The following COMMD10 variants were observed in gnomAD, a reference collection of about 807,000 sequenced individuals.
The protein encoded by COMMD10 is COMM domain containing 10.
COMMD10 carries 33 observed loss-of-function variants against 28.9 expected under a neutral mutation model. The ratio of observed to expected loss-of-function variants is 1.14; its 90% CI spans 0.87 to 1.53. The LOEUF (loss-of-function observed/expected upper bound fraction) is 1.53. COMMD10 is among the 40% of genes most tolerant of loss of function. COMMD10 has a pLI of 0.00. For missense variants in COMMD10, 310 were observed against 233.4 expected, an observed-to-expected ratio of 1.33 and a Z score of -2.14; for synonymous variants, 110 against 81.7, an observed-to-expected ratio of 1.35 and a Z score of -1.87.
intron 5 of COMMD10, among the ~76,000 whole-genome samples, chr5:116,236,527 A>C (rs564975948): frequency 1.1e-3 from 167 of 150,338 alleles, no homozygotes; most frequent in Admixed American, 3.2e-3. Flanking sequence ...AAAAAAAAGA[A>C]GTGATCCGTT....
intron 4 of COMMD10, among the ~76,000 whole-genome samples, chr5:116,106,349 T>G (rs1476790968): frequency 6.6e-6 from 1 of 152,120 alleles, no homozygotes; most frequent in Non-Finnish European, 1.5e-5. Context: ...TCCGACAGAG[T>G]GTTTATTAAT....
At chr5:116,167,426 A>G (rs1269204470) in intron 5 of COMMD10, among the ~76,000 whole-genome samples, 1 of 152,182 alleles carries the variant, frequency 6.6e-6, no homozygotes, top group Non-Finnish European at 1.5e-5. Flanking sequence ...ACTCTTCAGG[A>G]TGTTATCCAG....
chr5:116,192,059 C>T (rs35696109), intron 5 of COMMD10, among the ~76,000 whole-genome samples: 9,803 of 149,726 alleles, frequency 0.065, 425 homozygotes, highest in Admixed American at 0.13. Context: ...AGAAGAGAGA[C>T]AGTAATCACT....
At chr5:116,179,977 T>C (rs574118815) in intron 5 of COMMD10, among the ~76,000 whole-genome samples, 24 of 152,080 alleles carry the variant, frequency 1.6e-4, no homozygotes, top group Middle Eastern at 6.8e-3. Flanking sequence ...AGAAATAAAA[T>C]AACTTGGAAG....
At chr5:116,212,471 T>C (rs1424986761) in intron 5 of COMMD10, among the ~76,000 whole-genome samples, 1 of 130,592 alleles carries the variant, frequency 7.7e-6, no homozygotes, top group Non-Finnish European at 1.6e-5. Context: ...GAAATGAGGT[T>C]CCAGTGACAG....
chr5:116,161,143 T>A (rs1288004652), intron 5 of COMMD10, among the ~76,000 whole-genome samples: 1 of 152,130 alleles, frequency 6.6e-6, no homozygotes, highest in Non-Finnish European at 1.5e-5. Context: ...ATCGTACTGA[T>A]CTGTGAAATC....
intron 5 of COMMD10, among the ~76,000 whole-genome samples, chr5:116,161,892 C>G (rs998924716): frequency 6.6e-6 from 1 of 152,112 alleles, no homozygotes; most frequent in Non-Finnish European, 1.5e-5. Context: ...CAGTGCACAC[C>G]TATGTTCTGT....
chr5:116,131,206 A>T (rs1194515841), intron 4 of COMMD10, among the ~76,000 whole-genome samples: 1 of 151,986 alleles, frequency 6.6e-6, no homozygotes, highest in African/African-American at 2.4e-5. Context: ...AGGCCCAAAG[A>T]GGTGAATAGA....
At chr5:116,103,930 G>C (rs931272498) in intron 4 of COMMD10, among the ~76,000 whole-genome samples, 1 of 152,070 alleles carries the variant, frequency 6.6e-6, no homozygotes. Flanking sequence ...TCTTGTTTTT[G>C]TCAGGTTTGT....
chr5:116,101,397 TA>T (rs1203459566), intron 4 of COMMD10, among the ~76,000 whole-genome samples: 1 of 151,922 alleles, frequency 6.6e-6, no homozygotes, highest in East Asian at 1.9e-4. Context: ...TAACATCTAT[TA>T]TTTTTTAACT....
chr5:116,130,568 A>G (rs892025725), intron 4 of COMMD10, among the ~76,000 whole-genome samples: 4 of 151,970 alleles, frequency 2.6e-5, no homozygotes, highest in Non-Finnish European at 5.9e-5. Flanking sequence ...GAGTCTTTCA[A>G]AATTTGATGC....
intron 5 of COMMD10, among the ~76,000 whole-genome samples, chr5:116,175,671 C>G (rs2112588278): frequency 6.6e-6 from 1 of 152,140 alleles, no homozygotes; most frequent in South Asian, 2.1e-4. Context: ...TATATATATG[C>G]AACGGGATAT....
chr5:116,250,832 G>T (rs1385650725), intron 5 of COMMD10, among the ~76,000 whole-genome samples: 2 of 151,930 alleles, frequency 1.3e-5, no homozygotes, highest in Non-Finnish European at 2.9e-5. Flanking sequence ...GGGACAATTG[G>T]CTCACCTACT....
At chr5:116,118,533 G>A (rs1262260543) in intron 4 of COMMD10, among the ~76,000 whole-genome samples, 2 of 152,064 alleles carry the variant, frequency 1.3e-5, no homozygotes, top group Non-Finnish European at 2.9e-5. Context: ...GACAGAGAAA[G>A]GACAATAAAA....
At chr5:116,095,645 A>AT (rs1318032971) in intron 4 of COMMD10, among the ~76,000 whole-genome samples, 4 of 149,134 alleles carry the variant, frequency 2.7e-5, no homozygotes, top group South Asian at 4.2e-4. Flanking sequence ...AATCTGTTGT[A>AT]TTTTTTTTTT....
In COMMD10 at chr5:116,177,205, A is replaced by G. The variant is rs574069407; in HGVS notation, c.510+43027A>G. 2.3e-3 allele frequency among the ~76,000 whole-genome samples: 352 copies of G among 152,224 alleles called. 1 individual carries two copies. The highest frequency in any genetic ancestry group is 3.9e-3 in the Non-Finnish European group (266 of 67,990). ...GACAAAGTGTCTTAATGGAGATGGG[A>G]AACTTGGGAGGGGTTGATTGTATTG... On this transcript the variant is annotated intron_variant, in intron 5 of 6. Transcript: ENST00000274458.
At chr5:116,201,343 G>A (rs563590999) in intron 5 of COMMD10, among the ~76,000 whole-genome samples, 1 of 152,298 alleles carries the variant, frequency 6.6e-6, no homozygotes, top group African/African-American at 2.4e-5. Context: ...GTTTCTGGAG[G>A]TTAAACTCAA....
chr5:116,236,262 G>A (rs1157975174), intron 5 of COMMD10, among the ~76,000 whole-genome samples: 2 of 152,068 alleles, frequency 1.3e-5, no homozygotes, highest in Non-Finnish European at 2.9e-5. Context: ...CCAGCACTTT[G>A]GGAAGCTGAG....
At chr5:116,177,902 T>G (rs142446650) in intron 5 of COMMD10, among the ~76,000 whole-genome samples, 2 of 152,182 alleles carry the variant, frequency 1.3e-5, no homozygotes, top group East Asian at 1.9e-4. Context: ...CAGCACATAG[T>G]GGGTGCTTAA....
Sources: allele counts gnomAD v4.1 joint callset (sites outside exome capture counted in the v4.1 genomes callset), GRCh38; gene constraint gnomAD v4.1.1; transcripts MANE v1.5; gene names NCBI Gene and HGNC (gene_info 2026-07-23, HGNC 2026-07-21).